SURF6: variants seen among roughly 807,000 people sequenced by gnomAD.
The protein encoded by SURF6 is surfeit locus protein 6.
Under a neutral mutation model 37.5 loss-of-function variants are expected in SURF6, and 28 were observed. That is an observed-to-expected ratio of 0.75 (90% CI 0.55 to 1.02). The LOEUF is 1.02. Among genes scored for constraint, SURF6 ranks in the 50% least tolerant of loss-of-function variants. The pLI, the probability that SURF6 is intolerant of heterozygous loss-of-function variation, is 0.00. For missense variants in SURF6, 560 were observed against 490.5 expected (o/e 1.14, Z -1.34); for synonymous variants, 248 against 210.9 (o/e 1.18, Z -1.52).
Position 133,332,059 on chromosome 9 carries a change from C to G in SURF6, c.896G>C (p.Arg299Pro). 6.2e-7 allele frequency: 1 copy of G among 1,605,642 alleles called. No homozygotes were observed. Among genetic ancestry groups the G allele is most frequent in the Non-Finnish European group, 8.5e-7 (1 of 1,179,778 alleles). The change falls in exon 5 of 5, where the codon CGC (arginine) becomes CCC (proline). Residue 299 changes from arginine to proline, a missense_variant. By Grantham distance (103) the Arg-to-Pro change is moderately radical. Coordinates refer to ENST00000372022, the MANE Select transcript of SURF6 (RefSeq NM_006753.6). ...CCACCGGCGCTGCCGCTGCGCCCTG[C>G]GCTTCTCCTTGCGCTTCAGGGCCTC... is the stretch of plus-strand genomic sequence containing the variant. ...LQEALKRKEK[R>P]RAQRQRRWEK...
chr9:133,336,043 C>A lies in SURF6; in HGVS notation c.90G>T (p.Thr30=), dbSNP rs1481079235. The A allele has an allele frequency of 5.0e-6, 8 of 1,611,030 alleles. No individual in the cohort carries two copies. The highest frequency in any genetic ancestry group is 6.8e-6 in the Non-Finnish European group (8 of 1,179,738). The change falls in exon 1 of 5, where the codon ACG becomes ACT. Residue 30 remains threonine, a synonymous_variant. Coordinates refer to ENST00000372022, the MANE Select transcript of SURF6 (RefSeq NM_006753.6). ...SHSAPEQQAR[T]RAGKTQGSET... is the part of the protein sequence containing the mutation. ...CGGCCCGGCCCTGTGCGTTACCCCG[C>A]GTGCGCGCCTGCTGTTCCGGGGCCG...
At position 133,331,985 on chromosome 9, in the gene SURF6, G is replaced by T; in HGVS notation, c.970C>A (p.Arg324=). 6.3e-7 allele frequency: 1 copy of T among 1,598,014 alleles called. No individual in the cohort carries two copies. ...TTCCTGCGCAGGTTCTGCCGCCGCC[G>T]GTCCTGGCGCTGCTGCATCTTCTCC... is the stretch of plus-strand genomic sequence containing the variant. ...VVEKMQQRQD[R]RRQNLRRKKA... The change falls in exon 5 of 5, where the codon CGG becomes AGG. Residue 324 remains arginine, a synonymous_variant. Transcript: ENST00000372022.
intron 1 of SURF6, among the ~76,000 whole-genome samples, chr9:133,335,560 G>C (rs13284477): frequency 6.6e-6 from 1 of 151,894 alleles, no homozygotes; most frequent in Non-Finnish European, 1.5e-5. Flanking sequence ...TACTTCCCTT[G>C]TGCAGCGTGG....
rs2129912789 is a variant in SURF6 at position 133,331,936 on chromosome 9, C to T, written c.1019G>A (p.Arg340His). 7.0e-6 allele frequency: 11 copies of T among 1,582,262 alleles called. No individual in the cohort carries two copies. Among genetic ancestry groups the T allele is most frequent in the South Asian group, 2.3e-5 (2 of 88,542 alleles). Residue 340 changes from arginine (R) to histidine (H), a missense_variant, in exon 5 of 5, where the codon CGC (arginine) becomes CAC (histidine). By Grantham distance (29) the Arg-to-His change is conservative. Coordinates refer to ENST00000372022, the MANE Select transcript of SURF6 (RefSeq NM_006753.6). ...RRKKAARAERRLLRARKKGRI... is the reference protein window; with the variant it reads ...RRKKAARAERHLLRARKKGRI... ...GCCCTTCTTGCGGGCTCTGAGCAGGCGGCGCTCGGCGCGGGCCGCCTTCTT... is the reference window on the plus strand; with the variant it reads ...GCCCTTCTTGCGGGCTCTGAGCAGGTGGCGCTCGGCGCGGGCCGCCTTCTT...
chr9:133,332,359 G>A lies in SURF6; in HGVS notation c.607-11C>T, dbSNP rs1204379221. 6.4e-7 allele frequency: 1 copy of A among 1,566,364 alleles called. No homozygotes were observed. The highest frequency in any genetic ancestry group is 8.6e-7 in the Non-Finnish European group (1 of 1,159,190). ...TTCGCTCACCTCCACCTGGGAGGAA[G>A]GTATGACATCAGCTCATGCCAGCCC... On this transcript the variant is annotated splice_polypyrimidine_tract_variant and intron_variant, in intron 4 of 4. Coordinates refer to ENST00000372022, the MANE Select transcript of SURF6 (RefSeq NM_006753.6).
chr9:133,331,223 G>C lies in SURF6; in HGVS notation c.*646C>G, dbSNP rs1466481102. Reference sequence around the variant, plus strand: ...AATGCACTTGACCCAACTCACATGCGTGGACTCCGGGAAGGTACTGCTCCC... The same window carrying C: ...AATGCACTTGACCCAACTCACATGCCTGGACTCCGGGAAGGTACTGCTCCC... On this transcript the variant is annotated 3_prime_UTR_variant, in exon 5 of 5. Transcript: ENST00000372022. 1 of 152,132 alleles carries C rather than the reference G, an allele frequency of 6.6e-6. No individual in the cohort carries two copies. Among genetic ancestry groups the C allele is most frequent in the Non-Finnish European group, 1.5e-5 (1 of 68,062 alleles). The allele number at this position is 152,132 out of a possible 1,614,324, so 9.4% of individuals were successfully genotyped here. A position where few individuals can be genotyped will look rare whatever the true frequency, so the allele number is the denominator to read the frequency against.
intron 2 of SURF6, 43 bp from the exon 3 acceptor site, chr9:133,333,849 C>T: frequency 6.6e-7 from 1 of 1,520,514 alleles, no homozygotes. Flanking sequence ...CTCTCTTCCC[C>T]TCCCCCTCCC....
Position 133,336,080 on chromosome 9 carries a change from ATCT to A in SURF6, c.50_52del (p.Lys17del), listed in dbSNP as rs2129933910. ...CTGTTCCGGGGCCGAATGGGAGCAG[ATCT>A]TCTTGGCCAGGCTCTGCAGGTAGGC... On this transcript the variant is annotated inframe_deletion, in exon 1 of 5. Coordinates refer to ENST00000372022, the MANE Select transcript of SURF6 (RefSeq NM_006753.6). 1.1e-5 allele frequency: 18 copies of A among 1,612,876 alleles called. No individual in the cohort carries two copies. The highest frequency in any genetic ancestry group is 1.4e-5 in the Non-Finnish European group (17 of 1,179,854).
rs1013419243 is a variant in SURF6 at position 133,331,064 on chromosome 9, A to G, written c.*805T>C. 6.6e-6 allele frequency: 1 copy of G among 152,238 alleles called. No homozygotes were observed. The highest frequency in any genetic ancestry group is 2.4e-5 in the African/African-American group (1 of 41,456). 9.4% of individuals were successfully genotyped at this position (152,238 alleles called of 1,614,324 possible). A position where few individuals can be genotyped will look rare whatever the true frequency, so the allele number is the denominator to read the frequency against. On this transcript the variant is annotated 3_prime_UTR_variant, in exon 5 of 5. Coordinates refer to ENST00000372022, the MANE Select transcript of SURF6 (RefSeq NM_006753.6). ...TATCATCCATATGCCACTAAAATTC[A>G]CCTGTTTTCTTTCAACCTGCACTCA...
At chr9:133,333,656 G>A in intron 3 of SURF6, 62 bp downstream of exon 3, 3 of 1,525,000 alleles carry the variant, frequency 2.0e-6, no homozygotes, top group East Asian at 4.5e-5. Context: ...CTCGCTGACA[G>A]CTGACCCCAG....
chr9:133,334,504 C>T lies in SURF6; in HGVS notation c.192G>A (p.Glu64=), dbSNP rs2129927905. The T allele has an allele frequency of 3.1e-6, 5 of 1,614,130 alleles. No individual in the cohort carries two copies. In the East Asian group the frequency reaches 8.9e-5, roughly 29 times the overall value. ...TCTCCCCCAAGGACTTGGCCTTGTGCTCAGCAGCCTTCTCTTCTCGCTTCC... is the reference window on the plus strand; with the variant it reads ...TCTCCCCCAAGGACTTGGCCTTGTGTTCAGCAGCCTTCTCTTCTCGCTTCC... ...KFRKREEKAA[E]HKAKSLGEKS... The change falls in exon 2 of 5, where the codon GAG becomes GAA. Residue 64 remains glutamate (E), a synonymous_variant. Transcript: ENST00000372022.
intron 1 of SURF6, among the ~76,000 whole-genome samples, chr9:133,335,391 C>G (rs2129931148): frequency 6.6e-6 from 1 of 151,830 alleles, no homozygotes; most frequent in Non-Finnish European, 1.5e-5. Context: ...AGAAAATTCA[C>G]TTAAGATTTT....
Position 133,330,340 on chromosome 9 carries a change from G to C in SURF6, c.*1529C>G, listed in dbSNP as rs937840869. The C allele has an allele frequency of 6.6e-6, 1 of 152,108 alleles. No individual in the cohort carries two copies. Among genetic ancestry groups the C allele is most frequent in the African/African-American group, 2.4e-5 (1 of 41,396 alleles). 9.4% of individuals were successfully genotyped at this position (152,108 alleles called of 1,614,324 possible). On this transcript the variant is annotated 3_prime_UTR_variant, in exon 5 of 5. Transcript: ENST00000372022. ...CAGCCTCTACCTCCTGGGTTCAAGT[G>C]ATTCTCCCGCCTCAGCCTCCCAAGC...
Position 133,332,710 on chromosome 9 carries a change from T to C in SURF6, c.444A>G (p.Arg148=). 3 of 1,612,010 alleles carry C rather than the reference T, an allele frequency of 1.9e-6. No homozygotes were observed. The highest frequency in any genetic ancestry group is 2.5e-6 in the Non-Finnish European group (3 of 1,180,026). The change falls in exon 4 of 5, where the codon AGA becomes AGG. Residue 148 remains arginine, a synonymous_variant. Transcript: ENST00000372022. ...TCTTCTTCCGGTCCCGTTCCTGCTT[T>C]CTCCGCCGCCTTTTCTCCAAGGCGG... is the stretch of plus-strand genomic sequence containing the variant. ...SPAALEKRRR[R]KQERDRKKRK... is the part of the protein sequence containing the mutation.
rs2129909957 is a variant in SURF6, at chr9:133,331,388, T to TC, written c.*480dup. The TC allele has an allele frequency of 6.4e-6, 1 of 155,736 alleles. No individual in the cohort carries two copies. The highest frequency in any genetic ancestry group is 2.4e-5 in the African/African-American group (1 of 41,568). The allele number at this position is 155,736 out of a possible 1,614,324, so 9.6% of individuals were successfully genotyped here. A position where few individuals can be genotyped will look rare whatever the true frequency, so the allele number is the denominator to read the frequency against. ...CAGGATGCACCACGCCTGGACGTGC[T>TC]CCCCCGACTCCCAGTGCCAGGTGCC... On this transcript the variant is annotated 3_prime_UTR_variant, in exon 5 of 5. Coordinates refer to ENST00000372022, the MANE Select transcript of SURF6 (RefSeq NM_006753.6).
At position 133,331,817 on chromosome 9, in the gene SURF6, G is replaced by A. The variant is rs1835734565; in HGVS notation, c.*52C>T. ...CAGAGCCAGCGTCAAGGACTCAGAG[G>A]GTGTCCTGGAGTCTCCTAGGACGGA... On this transcript the variant is annotated 3_prime_UTR_variant, in exon 5 of 5. Transcript: ENST00000372022. The A allele has an allele frequency of 2.0e-6, 3 of 1,482,938 alleles. No individual in the cohort carries two copies. Among genetic ancestry groups the A allele is most frequent in the Non-Finnish European group, 2.7e-6 (3 of 1,126,900 alleles). The allele number at this position is 1,482,938 out of a possible 1,614,324, so 91.9% of individuals were successfully genotyped here. A position where few individuals can be genotyped will look rare whatever the true frequency, so the allele number is the denominator to read the frequency against.
chr9:133,332,159 C>T lies in SURF6; in HGVS notation c.796G>A (p.Ala266Thr), dbSNP rs1156747189. 9 of 1,610,614 alleles carry T rather than the reference C, an allele frequency of 5.6e-6. No individual in the cohort carries two copies. In the Middle Eastern group the frequency reaches 4.9e-4, roughly 88 times the overall value. The part of the protein sequence containing the change: ...QDEGKAQELE[A>T]KMKWTNLLYK... ...AGGAGGTTGGTCCACTTCATCTTCG[C>T]CTCCAGCTCCTGCGCCTTCCCCTCA... Residue 266 changes from alanine to threonine, a missense_variant, in exon 5 of 5, where the codon GCG becomes ACG. Physicochemically the swap from Ala to Thr is moderately conservative, Grantham distance 58. Coordinates refer to ENST00000372022, the MANE Select transcript of SURF6 (RefSeq NM_006753.6).
At chr9:133,334,118 G>A (rs2129926045) in intron 2 of SURF6, among the ~76,000 whole-genome samples, 7 of 152,156 alleles carry the variant, frequency 4.6e-5, no homozygotes, top group Non-Finnish European at 1.0e-4. Context: ...AGAGACCTGA[G>A]GGCAGGGAAG....
At chr9:133,332,405 G>A (rs1835766667) in intron 4 of SURF6, 57 bp from the exon 5 acceptor site, 1 of 1,535,332 alleles carries the variant, frequency 6.5e-7, no homozygotes. Flanking sequence ...CCCAGCCTTG[G>A]CCAGTACCCT....
Sources: allele counts gnomAD v4.1 joint callset (sites outside exome capture counted in the v4.1 genomes callset), GRCh38; gene constraint gnomAD v4.1.1; transcripts MANE v1.5; gene names NCBI Gene and HGNC (gene_info 2026-07-23, HGNC 2026-07-21).